ACACB: variants seen among roughly 807,000 people sequenced by gnomAD.
The protein encoded by ACACB is acetyl-CoA carboxylase 2.
In ACACB, 209 loss-of-function variants were observed where a neutral mutation model predicts 278.8. The observed-to-expected ratio is 0.75, with a 90% CI of 0.67 to 0.84. The LOEUF (loss-of-function observed/expected upper bound fraction) is 0.84. Ranked by LOEUF, ACACB falls within the 40% of genes least tolerant of loss-of-function variation. ACACB has a pLI of 0.00. For synonymous variants in ACACB, 1,174 were observed against 1,285.6 expected, an observed-to-expected ratio of 0.91 and a Z score of 1.86; for missense variants, 2,850 against 3,269.0, an observed-to-expected ratio of 0.87 and a Z score of 3.13.
chr12:109,244,552 C>T (rs1434852316), intron 37 of ACACB, among the ~76,000 whole-genome samples: 1 of 152,196 alleles, frequency 6.6e-6, no homozygotes, highest in Non-Finnish European at 1.5e-5. Flanking sequence ...GAACCAGAAG[C>T]AAATCCATCG....
intron 1 of ACACB, among the ~76,000 whole-genome samples, chr12:109,136,280 G>A (rs1244431590): frequency 6.6e-6 from 1 of 152,174 alleles, no homozygotes; most frequent in East Asian, 1.9e-4. Flanking sequence ...TGGGAAATGT[G>A]AATCTTCAAA....
chr12:109,180,500 A>T (rs779061150), intron 11 of ACACB, among the ~76,000 whole-genome samples: 1 of 152,212 alleles, frequency 6.6e-6, no homozygotes, highest in Non-Finnish European at 1.5e-5. Flanking sequence ...CTTCAGAGGC[A>T]ATATCATCCC....
At chr12:109,209,875 A>G (rs1471102682) in intron 21 of ACACB, among the ~76,000 whole-genome samples, 4 of 136,050 alleles carry the variant, frequency 2.9e-5, no homozygotes, top group Non-Finnish European at 4.8e-5. Context: ...ACACATACAC[A>G]CACGTGTGTA....
rs2045529543 is a variant in ACACB, at chr12:109,206,762, G to A, written c.2966G>A (p.Gly989Glu). 6.2e-7 allele frequency: 1 copy of A among 1,614,138 alleles called. No individual in the cohort carries two copies. Among genetic ancestry groups the A allele is most frequent in the East Asian group, 2.2e-5 (1 of 44,878 alleles). The stretch of plus-strand genomic sequence containing the variant: ...GCCCAGCAGACACTGCCCATCCTCG[G>A]AGAGAAACTGCACCAGGTCTTCCAC... ...LPAQQTLPIL[G>E]EKLHQVFHSV... The change falls in exon 20 of 53, where the codon GGA becomes GAA. Residue 989 changes from glycine (G) to glutamate (E), a missense_variant. Transcript: ENST00000338432.
intron 34 of ACACB, among the ~76,000 whole-genome samples, chr12:109,237,621 A>G (rs545239080): frequency 6.6e-6 from 1 of 152,254 alleles, no homozygotes; most frequent in African/African-American, 2.4e-5. Flanking sequence ...TGCGCATGAG[A>G]AGAAAATTTC....
intron 2 of ACACB, among the ~76,000 whole-genome samples, chr12:109,166,430 G>A (rs34280): frequency 0.47 from 71,747 of 151,292 alleles, 19,121 homozygotes; most frequent in Middle Eastern, 0.7. Flanking sequence ...GTTCACGCCT[G>A]TAATCCCAAT....
chr12:109,166,028 G>A (rs1339280021), intron 2 of ACACB, among the ~76,000 whole-genome samples: 1 of 152,188 alleles, frequency 6.6e-6, no homozygotes, highest in Non-Finnish European at 1.5e-5. Flanking sequence ...GCTCATGCCT[G>A]TATTTTGGAA....
chr12:109,212,778 G>C, intron 21 of ACACB, 58 bp from the exon 22 acceptor site: 1 of 1,453,352 alleles, frequency 6.9e-7, no homozygotes. Flanking sequence ...TTCTTTAGGG[G>C]ACTGCTGTGT....
intron 2 of ACACB, among the ~76,000 whole-genome samples, chr12:109,151,094 CCTGCCT>C (rs1447841980): frequency 6.6e-6 from 1 of 151,680 alleles, no homozygotes; most frequent in Admixed American, 6.6e-5. Flanking sequence ...AAGCAATTCT[CCTGCCT>C]CAGCCTCCCG....
At chr12:109,231,481 T>G (rs761233838) in intron 28 of ACACB, among the ~76,000 whole-genome samples, 46 of 152,214 alleles carry the variant, frequency 3.0e-4, no homozygotes, top group Non-Finnish European at 5.7e-4. Context: ...CCACTGCAAG[T>G]TTGTGACCCC....
At chr12:109,197,793 G>A (rs1248324486) in intron 17 of ACACB, among the ~76,000 whole-genome samples, 3 of 152,152 alleles carry the variant, frequency 2.0e-5, no homozygotes, top group African/African-American at 4.8e-5. Flanking sequence ...AAGGGGAGGG[G>A]ATGTCTGAAA....
intron 2 of ACACB, among the ~76,000 whole-genome samples, chr12:109,156,616 A>G (rs1593423377): frequency 7.9e-6 from 1 of 126,042 alleles, no homozygotes. Flanking sequence ...GGGGGGGGCT[A>G]TTATCAACAG....
intron 2 of ACACB, among the ~76,000 whole-genome samples, chr12:109,164,740 T>A (rs1380909994): frequency 1.5e-5 from 2 of 134,048 alleles, no homozygotes; most frequent in Non-Finnish European, 3.2e-5. Flanking sequence ...TTTTTTGAGA[T>A]GGAGTCTGAC....
At chr12:109,210,976 C>G (rs186761303) in intron 21 of ACACB, among the ~76,000 whole-genome samples, 1 of 151,346 alleles carries the variant, frequency 6.6e-6, no homozygotes, top group Non-Finnish European at 1.5e-5. Flanking sequence ...GGAAGCCATT[C>G]CAGGGAAGTA....
chr12:109,212,242 T>C (rs1214802173), intron 21 of ACACB, among the ~76,000 whole-genome samples: 1 of 152,176 alleles, frequency 6.6e-6, no homozygotes, highest in Non-Finnish European at 1.5e-5. Flanking sequence ...GTGGGTCCTT[T>C]AGGTCAGCAG....
chr12:109,166,662 A>AAACAAAC (rs1215226229), intron 2 of ACACB, among the ~76,000 whole-genome samples, 199 bp from the exon 3 acceptor site: 3 of 142,858 alleles, frequency 2.1e-5, no homozygotes, highest in Non-Finnish European at 4.6e-5. Context: ...AAAAAAAAAA[A>AAACAAAC]AAAAAAAAAA....
rs1428278047 is a variant in ACACB at position 109,235,370 on chromosome 12, G to A, written c.4404+1G>A. On this transcript the variant is annotated splice_donor_variant, in intron 32 of 52. Transcript: ENST00000338432. LOFTEE classifies it high-confidence loss of function. ...AATCACATTCTTGATTGCCCAAGAG[G>A]TTAGTTCACAGTTCATCTCTATGAG... The A allele has an allele frequency of 3.1e-6, 5 of 1,613,418 alleles. No individual in the cohort carries two copies. Among genetic ancestry groups the A allele is most frequent in the East Asian group, 2.2e-5 (1 of 44,876 alleles).
intron 40 of ACACB, among the ~76,000 whole-genome samples, chr12:109,248,195 G>A (rs1220987705): frequency 6.6e-6 from 1 of 152,200 alleles, no homozygotes; most frequent in Non-Finnish European, 1.5e-5. Flanking sequence ...TCCATAGTCA[G>A]ATGAGTTTGG....
chr12:109,264,470 G>C, intron 50 of ACACB, 84 bp downstream of exon 50: 1 of 1,467,240 alleles, frequency 6.8e-7, no homozygotes, highest in Non-Finnish European at 9.4e-7. Context: ...CGGGGGCGGG[G>C]AGGGCGGTGG....
Sources: gnomAD v4.1 joint callset for allele counts (sites outside exome capture counted in the v4.1 genomes callset) on GRCh38, gnomAD v4.1.1 for gene constraint, MANE v1.5 for transcripts, NCBI Gene and HGNC (gene_info 2026-07-23, HGNC 2026-07-21) for gene names.